DNM3: variants seen among roughly 807,000 people sequenced by gnomAD.
DNM3 encodes dynamin 3.
DNM3 carries 47 observed loss-of-function variants against 101.6 expected under a neutral mutation model. That is an observed-to-expected ratio of 0.46 (90% CI 0.37 to 0.59). The LOEUF (loss-of-function observed/expected upper bound fraction) is 0.59, where lower values mean the gene tolerates loss of function less well. Among genes scored for constraint, DNM3 ranks in the 20% least tolerant of loss-of-function variants. DNM3 has a pLI of 0.00. For synonymous variants in DNM3, 385 were observed against 387.9 expected (o/e 0.99, Z 0.09); for missense variants, 849 against 1,085.7 (o/e 0.78, Z 3.06).
chr1:172,392,483 C>T (rs1171746529), intron 20 of DNM3, among the ~76,000 whole-genome samples: 1 of 152,188 alleles, frequency 6.6e-6, no homozygotes, highest in Non-Finnish European at 1.5e-5. Flanking sequence ...TTTAGGGTTC[C>T]TATTCTCTTA....
intron 14 of DNM3, among the ~76,000 whole-genome samples, chr1:172,214,005 C>G (rs1174948821): frequency 6.6e-6 from 1 of 152,044 alleles, no homozygotes; most frequent in African/African-American, 2.4e-5. Flanking sequence ...AAACGTTTTC[C>G]TGATACTGTG....
intron 18 of DNM3, among the ~76,000 whole-genome samples, chr1:172,382,896 C>G (rs943256051): frequency 1.3e-5 from 2 of 152,152 alleles, no homozygotes; most frequent in African/African-American, 4.8e-5. Flanking sequence ...CCCTGGACCC[C>G]TCTGGAGGTC....
chr1:172,187,484 T>A (rs2059565513), intron 14 of DNM3, among the ~76,000 whole-genome samples: 1 of 152,086 alleles, frequency 6.6e-6, no homozygotes, highest in Non-Finnish European at 1.5e-5. Context: ...TGGTAGTAAG[T>A]GCTGTTCTTT....
In DNM3 at chr1:172,365,308, C is replaced by T. The variant is rs369256545; in HGVS notation, c.1894-13710C>T. On this transcript the variant is annotated intron_variant, in intron 17 of 20. Transcript: ENST00000627582. The stretch of plus-strand genomic sequence containing the variant: ...CCTCAAAATAGTTGAGAAGTATAGA[C>T]GGAACAAGGTTGGCCATGTGGTGAA... Among the ~76,000 whole-genome samples the T allele has an allele frequency of 4.7e-4, 72 of 151,976 alleles. No individual in the cohort carries two copies. In the East Asian group the frequency reaches 7.4e-3, roughly 16 times the overall value.
chr1:171,912,718 T>C (rs1480020559), intron 1 of DNM3, among the ~76,000 whole-genome samples: 1 of 152,206 alleles, frequency 6.6e-6, no homozygotes, highest in African/African-American at 2.4e-5. Flanking sequence ...AAGTTAGTCA[T>C]GTGGACACCC....
chr1:172,026,487 C>T (rs966614806), intron 4 of DNM3, among the ~76,000 whole-genome samples: 1 of 151,994 alleles, frequency 6.6e-6, no homozygotes, highest in Non-Finnish European at 1.5e-5. Flanking sequence ...AGAAGAGCAA[C>T]CCCAAGACAC....
chr1:172,204,343 A>G (rs1035916616), intron 14 of DNM3, among the ~76,000 whole-genome samples: 3 of 152,152 alleles, frequency 2.0e-5, no homozygotes, highest in Non-Finnish European at 4.4e-5. Context: ...TATAAGACTA[A>G]GAGGACTAGT....
At chr1:171,992,253 C>A (rs2045686100) in intron 4 of DNM3, among the ~76,000 whole-genome samples, 1 of 152,098 alleles carries the variant, frequency 6.6e-6, no homozygotes, top group Non-Finnish European at 1.5e-5. Flanking sequence ...ATTTCTCAGG[C>A]TTTTCAGAAG....
intron 14 of DNM3, among the ~76,000 whole-genome samples, chr1:172,221,279 G>A (rs999192732): frequency 6.6e-6 from 1 of 152,072 alleles, no homozygotes; most frequent in Non-Finnish European, 1.5e-5. Context: ...ACAACTTGAG[G>A]CTGGCATTTA....
chr1:172,187,175 C>T lies in DNM3; in HGVS notation c.1659+55887C>T, dbSNP rs141464644. 1.8e-3 allele frequency among the ~76,000 whole-genome samples: 277 copies of T among 152,168 alleles called. 4 individuals are homozygous for T. Among genetic ancestry groups the T allele is most frequent in the South Asian group, 0.018 (87 of 4,828 alleles). ...CTCCCTCTTTTCTTTGCATGAGAGT[C>T]TGTCCCATCTGCCTTTTCCCACCAG... On this transcript the variant is annotated intron_variant, in intron 14 of 20. Coordinates refer to ENST00000627582, the MANE Select transcript of DNM3 (RefSeq NM_015569.5).
In DNM3 at chr1:172,411,040, G is replaced by C. The variant is rs187284597; in HGVS notation, c.*3199G>C. ...AGGTAGGTAGGTTTTAAAAATACTA[G>C]TTAAAATGCCACAAGCATGAGTGTG... On this transcript the variant is annotated 3_prime_UTR_variant, in exon 21 of 21. Coordinates refer to ENST00000627582, the MANE Select transcript of DNM3 (RefSeq NM_015569.5). The C allele has an allele frequency of 1.2e-5, 12 of 985,114 alleles. No individual in the cohort carries two copies. In the African/African-American group the frequency reaches 2.1e-4, roughly 17 times the overall value. 61.0% of individuals were successfully genotyped at this position (985,114 alleles called of 1,614,324 possible).
At chr1:172,016,204 A>G (rs1428661795) in intron 4 of DNM3, among the ~76,000 whole-genome samples, 1 of 151,912 alleles carries the variant, frequency 6.6e-6, no homozygotes, top group African/African-American at 2.4e-5. Context: ...AAAAAAGAAA[A>G]AAAAAAGAAT....
At chr1:172,183,530 G>A (rs1199624058) in intron 14 of DNM3, among the ~76,000 whole-genome samples, 2 of 151,982 alleles carry the variant, frequency 1.3e-5, no homozygotes, top group Non-Finnish European at 2.9e-5. Flanking sequence ...TGCTTGGTCT[G>A]GCAGATGATA....
intron 15 of DNM3, among the ~76,000 whole-genome samples, chr1:172,304,871 G>A (rs1010237487): frequency 2.4e-4 from 37 of 152,174 alleles, no homozygotes; most frequent in African/African-American, 4.8e-4. Context: ...TCTCTGGGAC[G>A]CATTTAAAGC....
intron 10 of DNM3, among the ~76,000 whole-genome samples, chr1:172,061,628 C>G (rs1483709467): frequency 1.4e-5 from 2 of 146,524 alleles, no homozygotes; most frequent in Non-Finnish European, 3.0e-5. Flanking sequence ...TATTCTCACT[C>G]ATAGGTGGGA....
intron 1 of DNM3, among the ~76,000 whole-genome samples, chr1:171,920,226 G>A (rs2040048638): frequency 6.6e-6 from 1 of 152,148 alleles, no homozygotes; most frequent in African/African-American, 2.4e-5. Context: ...CTAAACACTT[G>A]GGTTTTGGAG....
At chr1:171,879,656 C>A (rs1449383530) in intron 1 of DNM3, among the ~76,000 whole-genome samples, 4 of 152,174 alleles carry the variant, frequency 2.6e-5, no homozygotes, top group Admixed American at 2.6e-4. Flanking sequence ...CAGTGGACTG[C>A]GTGCCAGGGG....
intron 2 of DNM3, among the ~76,000 whole-genome samples, chr1:171,926,942 T>G (rs1449505603): frequency 6.6e-6 from 1 of 152,210 alleles, no homozygotes; most frequent in Non-Finnish European, 1.5e-5. Context: ...GCTACCATCA[T>G]ACTTAATGGT....
At chr1:172,067,841 G>C (rs1306947156) in intron 10 of DNM3, among the ~76,000 whole-genome samples, 1 of 152,182 alleles carries the variant, frequency 6.6e-6, no homozygotes, top group African/African-American at 2.4e-5. Context: ...TATATTTTCT[G>C]TGGGGGAGAA....
Sources: allele counts gnomAD v4.1 joint callset (sites outside exome capture counted in the v4.1 genomes callset), GRCh38; gene constraint gnomAD v4.1.1; transcripts MANE v1.5; gene names NCBI Gene and HGNC (gene_info 2026-07-23, HGNC 2026-07-21).